Variants in NRXN1 observed in about 807,000 individuals in gnomAD.
NRXN1 encodes neurexin-1.
In NRXN1, 39 loss-of-function variants were observed where a neutral mutation model predicts 150.9. The ratio of observed to expected loss-of-function variants is 0.26; its 90% CI spans 0.20 to 0.34. The LOEUF (loss-of-function observed/expected upper bound fraction) is 0.34, where lower values mean the gene tolerates loss of function less well. Ranked by LOEUF, NRXN1 falls within the 10% of genes least tolerant of loss-of-function variation. The probability of loss-of-function intolerance (pLI) is 1.00; values close to 1 mark genes in which losing one functional copy is unlikely to be tolerated. For missense variants in NRXN1, 1,815 were observed against 1,949.9 expected (o/e 0.93, Z 1.30); for synonymous variants, 924 against 757.0 (o/e 1.22, Z -3.62).
chr2:50,391,151 G>A lies in NRXN1; in HGVS notation c.3364+74291C>T, dbSNP rs1336329410. ...ATTAAAAGGTCTTGGGAGTGAGGCA[G>A]GGCAGATGAAAATGAGAATGTTGTC... On this transcript the variant is annotated intron_variant, in intron 17 of 22. Coordinates refer to ENST00000401669, the MANE Select transcript of NRXN1 (RefSeq NM_001330078.2). Among the ~76,000 whole-genome samples the A allele has an allele frequency of 2.6e-5, 4 of 152,022 alleles. No homozygotes were observed. The East Asian group carries it at 7.7e-4, about 29-fold the overall frequency.
At chr2:50,849,515 G>A (rs187728039) in intron 5 of NRXN1, among the ~76,000 whole-genome samples, 1 of 152,284 alleles carries the variant, frequency 6.6e-6, no homozygotes, top group East Asian at 1.9e-4. Context: ...GGCCTCGTCA[G>A]GATGACCAAC....
intron 5 of NRXN1, among the ~76,000 whole-genome samples, chr2:50,845,653 T>C (rs1418914571): frequency 6.6e-6 from 1 of 152,202 alleles, no homozygotes; most frequent in Non-Finnish European, 1.5e-5. Context: ...GAGTGGTACC[T>C]GGAATATGGT....
At chr2:49,944,541 A>G (rs1672552542) in intron 21 of NRXN1, among the ~76,000 whole-genome samples, 1 of 152,180 alleles carries the variant, frequency 6.6e-6, no homozygotes, top group South Asian at 2.1e-4. Context: ...AGCAAAAAAG[A>G]TACCTATCTC....
chr2:50,626,971 T>G (rs1382366790), intron 5 of NRXN1, among the ~76,000 whole-genome samples: 1 of 151,906 alleles, frequency 6.6e-6, no homozygotes, highest in South Asian at 2.1e-4. Context: ...GTATTGCTTA[T>G]GAATAATGAA....
At chr2:50,828,215 G>T (rs1440693265) in intron 5 of NRXN1, among the ~76,000 whole-genome samples, 3 of 150,766 alleles carry the variant, frequency 2.0e-5, no homozygotes, top group Non-Finnish European at 4.4e-5. Flanking sequence ...CCCGGACGGG[G>T]CGGCCGGGCA....
At chr2:50,169,231 G>C (rs1284724836) in intron 18 of NRXN1, among the ~76,000 whole-genome samples, 1 of 152,084 alleles carries the variant, frequency 6.6e-6, no homozygotes, top group Non-Finnish European at 1.5e-5. Flanking sequence ...AAAAGATCCA[G>C]TATTCAAAAG....
intron 21 of NRXN1, among the ~76,000 whole-genome samples, chr2:49,990,612 G>C (rs1056648265): frequency 5.9e-5 from 9 of 152,128 alleles, no homozygotes; most frequent in African/African-American, 2.2e-4. Context: ...TGACTGTTCT[G>C]AAGTCAGTGT....
At chr2:50,232,144 A>C (rs1015349236) in intron 18 of NRXN1, among the ~76,000 whole-genome samples, 6 of 152,146 alleles carry the variant, frequency 3.9e-5, no homozygotes, top group African/African-American at 1.4e-4. Flanking sequence ...TTGGGGACAA[A>C]ATGTTTGCTA....
At chr2:50,914,535 A>T (rs1295447048) in intron 5 of NRXN1, among the ~76,000 whole-genome samples, 1 of 151,664 alleles carries the variant, frequency 6.6e-6, no homozygotes, top group Non-Finnish European at 1.5e-5. Flanking sequence ...TAATTAGAAA[A>T]ATGTGAAAAG....
intron 21 of NRXN1, among the ~76,000 whole-genome samples, chr2:49,990,537 T>A (rs1054958686): frequency 6.6e-6 from 1 of 150,998 alleles, no homozygotes; most frequent in African/African-American, 2.5e-5. Flanking sequence ...AGTCAGGAGG[T>A]TTTGCAGTTT....
At position 50,877,864 on chromosome 2, in the gene NRXN1, C is replaced by A. The variant is rs140946396; in HGVS notation, c.832+44005G>T. On this transcript the variant is annotated intron_variant, in intron 5 of 22. Coordinates refer to ENST00000401669, the MANE Select transcript of NRXN1 (RefSeq NM_001330078.2). ...AAAAACACAAAAACGTTAGAGAATT[C>A]TTTTCCTTGGCATCAACTCTTCTGA... 1.2e-3 allele frequency among the ~76,000 whole-genome samples: 186 copies of A among 152,038 alleles called. 1 individual carries two copies. The highest frequency in any genetic ancestry group is 4.1e-3 in the African/African-American group (170 of 41,528).
chr2:50,595,305 A>C (rs1250761297), intron 8 of NRXN1, among the ~76,000 whole-genome samples: 1 of 151,652 alleles, frequency 6.6e-6, no homozygotes, highest in African/African-American at 2.4e-5. Context: ...GGTTATTATT[A>C]TTATTTAGAT....
intron 17 of NRXN1, among the ~76,000 whole-genome samples, chr2:50,379,592 C>T (rs17531725): frequency 0.09 from 13,686 of 152,112 alleles, 839 homozygotes; most frequent in Non-Finnish European, 0.13. Context: ...TTTATGTCCC[C>T]TTTATAGCAT....
At chr2:49,965,203 T>C (rs1200745041) in intron 21 of NRXN1, among the ~76,000 whole-genome samples, 7 of 151,160 alleles carry the variant, frequency 4.6e-5, no homozygotes, top group African/African-American at 1.7e-4. Context: ...TACGTTTCCT[T>C]GTGTCTAAGA....
chr2:50,680,434 CT>C, intron 5 of NRXN1, among the ~76,000 whole-genome samples: 1 of 151,950 alleles, frequency 6.6e-6, no homozygotes, highest in Non-Finnish European at 1.5e-5. Flanking sequence ...CAAGCTTTTG[CT>C]TTTCTTAAGA....
chr2:50,194,511 C>A (rs1038434776), intron 18 of NRXN1, among the ~76,000 whole-genome samples: 23 of 152,060 alleles, frequency 1.5e-4, no homozygotes. Context: ...TTTACCCCCC[C>A]GATTCCCCAA....
chr2:50,155,942 T>G (rs2058992800), intron 18 of NRXN1, among the ~76,000 whole-genome samples: 2 of 151,734 alleles, frequency 1.3e-5, no homozygotes, highest in South Asian at 4.1e-4. Context: ...AGTAGAAATT[T>G]ATTTGCATAT....
chr2:49,974,314 C>G (rs553854312), intron 21 of NRXN1: 1 of 482,080 alleles, frequency 2.1e-6, no homozygotes, highest in Non-Finnish European at 4.0e-6. Flanking sequence ...CAGCCCAGCC[C>G]GGCACCACTC....
intron 5 of NRXN1, among the ~76,000 whole-genome samples, chr2:50,851,777 G>A (rs949062789): frequency 6.6e-6 from 1 of 152,114 alleles, no homozygotes; most frequent in Non-Finnish European, 1.5e-5. Context: ...GCTGCCCAAG[G>A]TTCTCATCGG....
Sources: gnomAD v4.1 joint callset for allele counts (sites outside exome capture counted in the v4.1 genomes callset) on GRCh38, gnomAD v4.1.1 for gene constraint, MANE v1.5 for transcripts, NCBI Gene and HGNC (gene_info 2026-07-23, HGNC 2026-07-21) for gene names.